Variants in CDH4 observed in about 807,000 individuals in gnomAD.
CDH4 encodes cadherin-4.
In CDH4, 33 loss-of-function variants were observed where a neutral mutation model predicts 86.0. That is an observed-to-expected ratio of 0.38 (90% CI 0.29 to 0.51). CDH4 has a LOEUF of 0.51. CDH4 is among the 20% of genes least tolerant of loss of function. The pLI is 0.86. For missense variants in CDH4, 1,114 were observed against 1,307.4 expected, an observed-to-expected ratio of 0.85 and a Z score of 2.28; for synonymous variants, 555 against 549.4, an observed-to-expected ratio of 1.01 and a Z score of -0.14.
chr20:61,599,734 CT>C, intron 2 of CDH4: 1 of 943,328 alleles, frequency 1.1e-6, no homozygotes, highest in South Asian at 4.9e-5. Context: ...CCCGCTCCTC[CT>C]CCTGACGCGG....
intron 7 of CDH4, among the ~76,000 whole-genome samples, chr20:61,876,902 C>A (rs59377860): frequency 0.028 from 4,283 of 152,256 alleles, 185 homozygotes; most frequent in African/African-American, 0.097. Flanking sequence ...TGATATTTTC[C>A]AGGCTGAAAA....
intron 2 of CDH4, chr20:61,719,031 A>C: frequency 2.1e-6 from 1 of 471,170 alleles, no homozygotes; most frequent in Non-Finnish European, 4.4e-6. Context: ...AAGTGTGATG[A>C]GAGAAGGACC....
chr20:61,905,355 G>T (rs540371476), intron 8 of CDH4, among the ~76,000 whole-genome samples: 14 of 152,358 alleles, frequency 9.2e-5, no homozygotes, highest in South Asian at 6.2e-4. Context: ...GTCTGCAAGG[G>T]AATGGACGCA....
At chr20:61,511,600 C>T (rs1045636114) in intron 2 of CDH4, among the ~76,000 whole-genome samples, 2 of 152,230 alleles carry the variant, frequency 1.3e-5, no homozygotes, top group Non-Finnish European at 2.9e-5. Context: ...TAGCATTTTA[C>T]AAATATGCTC....
intron 3 of CDH4, among the ~76,000 whole-genome samples, chr20:61,771,285 C>T (rs1180744075): frequency 6.7e-6 from 1 of 150,106 alleles, no homozygotes; most frequent in Admixed American, 6.6e-5. Flanking sequence ...GCTGGGATTA[C>T]AGGCGTGAGC....
intron 2 of CDH4, among the ~76,000 whole-genome samples, chr20:61,350,045 C>A (rs1419571203): frequency 6.6e-6 from 1 of 152,214 alleles, no homozygotes; most frequent in African/African-American, 2.4e-5. Flanking sequence ...AGCCGCCCTC[C>A]AGTGCCACAA....
chr20:61,592,340 G>A (rs1220751546), intron 2 of CDH4, among the ~76,000 whole-genome samples: 3 of 152,192 alleles, frequency 2.0e-5, no homozygotes, highest in Admixed American at 2.0e-4. Flanking sequence ...AGAGCAAGAG[G>A]AAAACTGGGC....
chr20:61,932,675 G>A (rs574341763), intron 13 of CDH4, among the ~76,000 whole-genome samples: 9 of 152,046 alleles, frequency 5.9e-5, no homozygotes, highest in Non-Finnish European at 1.2e-4. Flanking sequence ...TTACACAGAC[G>A]CATGAAGCAC....
At chr20:61,790,990 A>G (rs959447173) in intron 4 of CDH4, among the ~76,000 whole-genome samples, 2 of 152,156 alleles carry the variant, frequency 1.3e-5, no homozygotes, top group Non-Finnish European at 2.9e-5. Context: ...CCCTCAGACT[A>G]TCTCATTGCT....
At chr20:61,358,564 A>G (rs1385943017) in intron 2 of CDH4, among the ~76,000 whole-genome samples, 1 of 152,224 alleles carries the variant, frequency 6.6e-6, no homozygotes, top group African/African-American at 2.4e-5. Context: ...AAATATCAGC[A>G]TTATTCTGCT....
chr20:61,392,267 G>C lies in CDH4; in HGVS notation c.169+137330G>C, dbSNP rs756800757. On this transcript the variant is annotated intron_variant, in intron 2 of 15. Coordinates refer to ENST00000614565, the MANE Select transcript of CDH4 (RefSeq NM_001794.5). The surrounding 1 kb of genome is among the most constrained non-coding windows in gnomAD (Gnocchi z 5.7). ...CTGGGCTGGGGAGGGACAGGAACCC[G>C]AGGCAGATCCTTCCACCAAACGAGT... 6.6e-6 allele frequency among the ~76,000 whole-genome samples: 1 copy of C among 151,908 alleles called. No homozygotes were observed. Among genetic ancestry groups the C allele is most frequent in the Non-Finnish European group, 1.5e-5 (1 of 68,002 alleles).
chr20:61,313,687 TA>T (rs1382786100), intron 2 of CDH4, among the ~76,000 whole-genome samples: 1 of 152,200 alleles, frequency 6.6e-6, no homozygotes, highest in Non-Finnish European at 1.5e-5. Context: ...AATTGACAAA[TA>T]AAAAATGTAT....
At chr20:61,407,688 GC>G (rs35246288) in intron 2 of CDH4, among the ~76,000 whole-genome samples, 1 of 152,204 alleles carries the variant, frequency 6.6e-6, no homozygotes, top group African/African-American at 2.4e-5. Flanking sequence ...TATTCTAGTA[GC>G]CCCATACTGG....
intron 2 of CDH4, among the ~76,000 whole-genome samples, chr20:61,439,016 C>T (rs945108355): frequency 1.3e-4 from 20 of 152,126 alleles, no homozygotes; most frequent in South Asian, 1.0e-3. Context: ...AGCTTTTCAA[C>T]GCCTCTTTCA....
intron 2 of CDH4, among the ~76,000 whole-genome samples, chr20:61,386,470 G>A (rs1308794718): frequency 6.6e-6 from 1 of 151,908 alleles, no homozygotes; most frequent in Non-Finnish European, 1.5e-5. Context: ...CCCTGCGGAA[G>A]CCCTGGCATG....
chr20:61,270,485 A>G (rs937204993), intron 2 of CDH4, among the ~76,000 whole-genome samples: 1 of 152,248 alleles, frequency 6.6e-6, no homozygotes, highest in African/African-American at 2.4e-5. Flanking sequence ...GTAAAATTAT[A>G]GAACTTATGT....
At chr20:61,738,444 A>T (rs1292257310) in intron 2 of CDH4, 1 of 151,430 alleles carries the variant, frequency 6.6e-6, no homozygotes, top group African/African-American at 2.4e-5. Flanking sequence ...CCGAGAAACA[A>T]CTCTTTTGTC....
intron 4 of CDH4, among the ~76,000 whole-genome samples, chr20:61,776,495 G>C (rs952023012): frequency 5.9e-5 from 9 of 152,338 alleles, no homozygotes; most frequent in Non-Finnish European, 1.2e-4. Flanking sequence ...CTGTGGCTTT[G>C]CTATGGTTTG....
intron 2 of CDH4, among the ~76,000 whole-genome samples, chr20:61,391,218 C>T (rs1433015368): frequency 2.0e-5 from 3 of 151,950 alleles, no homozygotes; most frequent in African/African-American, 4.8e-5. Flanking sequence ...AGCCCAGGAA[C>T]GCAATAATTT....
Sources: allele counts gnomAD v4.1 joint callset (sites outside exome capture counted in the v4.1 genomes callset), GRCh38; gene constraint gnomAD v4.1.1; non-coding constraint Gnocchi (gnomAD v3.1); transcripts MANE v1.5; gene names NCBI Gene and HGNC (gene_info 2026-07-23, HGNC 2026-07-21).